The following GPC1 variants were observed in gnomAD, a reference collection of about 807,000 sequenced individuals.
The protein encoded by GPC1 is glypican-1.
A neutral mutation model predicts 51.5 loss-of-function variants in GPC1; 26 were observed. That is an observed-to-expected ratio of 0.50 (90% CI 0.37 to 0.70). The LOEUF is 0.70. GPC1 is among the 30% of genes least tolerant of loss of function. The probability of loss-of-function intolerance (pLI) is 0.00; values close to 1 mark genes in which losing one functional copy is unlikely to be tolerated. For synonymous variants in GPC1, 380 were observed against 348.3 expected (o/e 1.09, Z -1.01); for missense variants, 775 against 800.5 (o/e 0.97, Z 0.38).
chr2:240,437,762 C>T (rs916522566), intron 1 of GPC1, among the ~76,000 whole-genome samples: 2 of 152,226 alleles, frequency 1.3e-5, no homozygotes, highest in Non-Finnish European at 2.9e-5. Context: ...TTGAACCCTG[C>T]TCCTTTGGAA....
At position 240,464,611 on chromosome 2, in the gene GPC1, C is replaced by T. The variant is rs1438487374; in HGVS notation, c.884-5C>T. On this transcript the variant is annotated splice_polypyrimidine_tract_variant and splice_region_variant and intron_variant, in intron 4 of 8. Transcript: ENST00000264039. ...TGTGTGTCCGCGTGTTAACGCCTGT[C>T]CTAGACTCCATGGTGCTCATCACCG... 3 of 1,608,606 alleles carry T rather than the reference C, an allele frequency of 1.9e-6. No homozygotes were observed. The highest frequency in any genetic ancestry group is 1.7e-6 in the Non-Finnish European group (2 of 1,177,616).
intron 1 of GPC1, among the ~76,000 whole-genome samples, chr2:240,446,610 T>C (rs1175196950): frequency 1.3e-5 from 2 of 152,216 alleles, no homozygotes; most frequent in Non-Finnish European, 1.5e-5. Flanking sequence ...CAAGTGCAGT[T>C]TGGCCCCTCT....
intron 4 of GPC1, 150 bp from the exon 5 acceptor site, chr2:240,464,466 C>T: frequency 9.5e-7 from 1 of 1,050,054 alleles, no homozygotes; most frequent in South Asian, 1.4e-5. Context: ...GTCACACGGG[C>T]CAACCTGAGT....
rs1199454297 is a variant in GPC1 at position 240,462,218 on chromosome 2, C to T, written c.353C>T (p.Ser118Leu). The change falls in exon 3 of 9, where the codon TCG becomes TTG. Residue 118 changes from serine to leucine, a missense_variant. Coordinates refer to ENST00000264039, the MANE Select transcript of GPC1 (RefSeq NM_002081.3). ...DDHFQHLLND[S>L]ERTLQATFPG... is the part of the protein sequence containing the mutation. ...CACTTCCAGCACCTGCTGAACGACT[C>T]GGAGCGGACGCTGCAGGCCACCTTC... 1.2e-6 allele frequency: 2 copies of T among 1,606,632 alleles called. No homozygotes were observed. Among genetic ancestry groups the T allele is most frequent in the African/African-American group, 1.3e-5 (1 of 74,914 alleles).
chr2:240,456,987 C>G (rs913945288), intron 1 of GPC1, among the ~76,000 whole-genome samples: 1 of 152,164 alleles, frequency 6.6e-6, no homozygotes, highest in Non-Finnish European at 1.5e-5. Context: ...CCTCCTGGCC[C>G]CAGACTCTGT....
At chr2:240,466,003 C>A in intron 8 of GPC1, 55 bp from the exon 9 acceptor site, 1 of 1,116,280 alleles carries the variant, frequency 9.0e-7, no homozygotes, top group South Asian at 1.3e-5. Context: ...CAGGGTGGTG[C>A]TGCACTGGGG....
intron 1 of GPC1, chr2:240,453,146 C>T (rs1430415379): frequency 8.9e-5 from 23 of 257,752 alleles, no homozygotes; most frequent in African/African-American, 1.4e-4. Context: ...CCGCCTCTGT[C>T]CCATCCTCCG....
chr2:240,440,894 G>C (rs547715862), intron 1 of GPC1, among the ~76,000 whole-genome samples: 6 of 152,354 alleles, frequency 3.9e-5, no homozygotes, highest in East Asian at 1.9e-4. Flanking sequence ...CACTGCCTGT[G>C]GGGGGCAGGA....
chr2:240,453,008 C>T, intron 1 of GPC1: 1 of 354,104 alleles, frequency 2.8e-6, no homozygotes, highest in Non-Finnish European at 5.6e-6. Context: ...CCGCTGGAGC[C>T]GCCGCTGCGA....
At chr2:240,436,654 C>T (rs1197931186) in intron 1 of GPC1, among the ~76,000 whole-genome samples, 3 of 152,268 alleles carry the variant, frequency 2.0e-5, no homozygotes, top group Non-Finnish European at 4.4e-5. Flanking sequence ...TATAAGCTGA[C>T]CCCCTCGGGG....
At chr2:240,454,270 G>C (rs35406163) in intron 1 of GPC1, among the ~76,000 whole-genome samples, 13,707 of 152,224 alleles carry the variant, frequency 0.09, 781 homozygotes, top group Non-Finnish European at 0.12. Context: ...TAGAGGATGG[G>C]GCAAAAGTGA....
At chr2:240,460,865 G>A (rs1050333938) in intron 2 of GPC1, among the ~76,000 whole-genome samples, 8 of 151,888 alleles carry the variant, frequency 5.3e-5, no homozygotes, top group Admixed American at 2.6e-4. Flanking sequence ...CCCAGCCTCC[G>A]GGGCAGCTGA....
intron 8 of GPC1, 147 bp from the exon 9 acceptor site, chr2:240,465,911 C>T (rs2074257318): frequency 8.0e-6 from 5 of 627,628 alleles, no homozygotes; most frequent in African/African-American, 5.5e-5. Context: ...CTCCCAGCCT[C>T]AGGGGTCAGC....
rs182378397 is a variant in GPC1 at position 240,453,997 on chromosome 2, C to T, written c.167-5033C>T. Among the ~76,000 whole-genome samples, 440 of 151,980 alleles carry T rather than the reference C, an allele frequency of 2.9e-3. 12 individuals are homozygous for T. In the East Asian group the frequency reaches 0.074, roughly 26 times the overall value. On this transcript the variant is annotated intron_variant, in intron 1 of 8. Coordinates refer to ENST00000264039, the MANE Select transcript of GPC1 (RefSeq NM_002081.3). ...CGCCCCTCGGTTTCGGGTCGCAGTG[C>T]GCGGCGGAGGTTCTGCGGCGGCGGA...
intron 1 of GPC1, among the ~76,000 whole-genome samples, chr2:240,453,585 C>T (rs1223119651): frequency 1.4e-5 from 2 of 142,352 alleles, no homozygotes; most frequent in African/African-American, 2.6e-5. Context: ...GCGACAAGCC[C>T]CTTCCCCGCC....
chr2:240,446,041 G>A (rs111529328), intron 1 of GPC1, among the ~76,000 whole-genome samples: 9 of 152,226 alleles, frequency 5.9e-5, no homozygotes, highest in South Asian at 2.1e-4. Context: ...AAGCGTCTGC[G>A]GCTTCACCAA....
rs1367754880 is a variant in GPC1, at chr2:240,457,065, GCCATTC to G, written c.167-1962_167-1957del. On this transcript the variant is annotated intron_variant, in intron 1 of 8. Coordinates refer to ENST00000264039, the MANE Select transcript of GPC1 (RefSeq NM_002081.3). The stretch of plus-strand genomic sequence containing the variant: ...AGGGGCGGGGGGCGCAGGTGCACTT[GCCATTC>G]CCGCTCTGTCTGCAGCATGGGCACA... Among the ~76,000 whole-genome samples, 3 of 152,106 alleles carry G rather than the reference GCCATTC, an allele frequency of 2.0e-5. No homozygotes were observed. The East Asian group carries it at 5.8e-4, about 29-fold the overall frequency.
chr2:240,465,754 G>A (rs572751977), intron 8 of GPC1, 106 bp downstream of exon 8: 30 of 913,648 alleles, frequency 3.3e-5, no homozygotes, highest in Admixed American at 6.6e-5. Flanking sequence ...CCTCTGCTCC[G>A]GCATCACCAC....
chr2:240,440,362 G>T (rs1166359856), intron 1 of GPC1, among the ~76,000 whole-genome samples: 2 of 152,204 alleles, frequency 1.3e-5, no homozygotes, highest in Non-Finnish European at 2.9e-5. Context: ...CTGGTGAAGC[G>T]CTCCTCTTAG....
Sources: allele counts gnomAD v4.1 joint callset (sites outside exome capture counted in the v4.1 genomes callset), GRCh38; gene constraint gnomAD v4.1.1; transcripts MANE v1.5; gene names NCBI Gene and HGNC (gene_info 2026-07-23, HGNC 2026-07-21).